ARHGAP15: variants seen among roughly 807,000 people sequenced by gnomAD.
ARHGAP15 encodes the protein rho GTPase-activating protein 15.
A neutral mutation model predicts 63.7 loss-of-function variants in ARHGAP15; 51 were observed. The ratio of observed to expected loss-of-function variants is 0.80; its 90% confidence interval spans 0.64 to 1.01. The LOEUF (loss-of-function observed/expected upper bound fraction) is 1.01. Ranked by LOEUF, ARHGAP15 falls within the 50% of genes least tolerant of loss-of-function variation. The pLI, the probability that ARHGAP15 is intolerant of heterozygous loss-of-function variation, is 0.00. For synonymous variants in ARHGAP15, 191 were observed against 193.8 expected (o/e 0.99, Z 0.12); for missense variants, 560 against 564.6 (o/e 0.99, Z 0.08).
intron 11 of ARHGAP15, among the ~76,000 whole-genome samples, chr2:143,557,882 G>A (rs543827811): frequency 6.6e-6 from 1 of 152,202 alleles, no homozygotes; most frequent in East Asian, 1.9e-4. Context: ...ACAGCTCATA[G>A]GTTTTAAAAT....
intron 6 of ARHGAP15, among the ~76,000 whole-genome samples, chr2:143,283,701 CCA>C (rs1681964247): frequency 2.0e-5 from 3 of 151,998 alleles, no homozygotes; most frequent in Non-Finnish European, 2.9e-5. Context: ...CTTTTTTCCC[CCA>C]CATTAAAAAA....
intron 6 of ARHGAP15, among the ~76,000 whole-genome samples, chr2:143,420,352 A>G (rs1688866118): frequency 6.6e-6 from 1 of 152,170 alleles, no homozygotes; most frequent in Non-Finnish European, 1.5e-5. Context: ...AGCACCTTGA[A>G]TTGTAGTCTT....
At chr2:143,667,910 C>G (rs1682309171) in intron 12 of ARHGAP15, among the ~76,000 whole-genome samples, 1 of 152,092 alleles carries the variant, frequency 6.6e-6, no homozygotes, top group Admixed American at 6.5e-5. Context: ...ATCACCTGAA[C>G]CCAGGAAGTT....
intron 6 of ARHGAP15, among the ~76,000 whole-genome samples, chr2:143,293,268 AGAG>A (rs1682488988): frequency 6.6e-6 from 1 of 152,100 alleles, no homozygotes; most frequent in African/African-American, 2.4e-5. Context: ...GTAATGCTCT[AGAG>A]GAGAGGAAGT....
rs776472887 is a variant in ARHGAP15 at position 143,762,018 on chromosome 2, T to C, written c.1245-5971T>C. On this transcript the variant is annotated intron_variant, in intron 13 of 13. Transcript: ENST00000295095. ...TCATGAACAAATTCATAAAATCATA[T>C]TTTTGTCAGGCTATTTAAAACTAAG... Among the ~76,000 whole-genome samples, 30 of 152,264 alleles carry C rather than the reference T, an allele frequency of 2.0e-4. 1 individual carries two copies. Among genetic ancestry groups the C allele is most frequent in the Non-Finnish European group, 3.1e-4 (21 of 68,006 alleles).
chr2:143,463,165 C>T (rs1691034781), intron 8 of ARHGAP15, among the ~76,000 whole-genome samples: 1 of 151,718 alleles, frequency 6.6e-6, no homozygotes, highest in Admixed American at 6.6e-5. Context: ...CCAGTGTGGC[C>T]CAGGGAGCCA....
At chr2:143,307,572 T>G (rs1380509378) in intron 6 of ARHGAP15, among the ~76,000 whole-genome samples, 1 of 152,138 alleles carries the variant, frequency 6.6e-6, no homozygotes, top group Admixed American at 6.6e-5. Flanking sequence ...CTGTCCCATA[T>G]TACAAATTGA....
chr2:143,543,870 T>C (rs1000253183), intron 10 of ARHGAP15, among the ~76,000 whole-genome samples: 1 of 152,098 alleles, frequency 6.6e-6, no homozygotes, highest in Non-Finnish European at 1.5e-5. Context: ...ACTTCTTTGT[T>C]AGATGGTTAA....
At chr2:143,736,770 T>C (rs1288593767) in intron 13 of ARHGAP15, among the ~76,000 whole-genome samples, 2 of 152,206 alleles carry the variant, frequency 1.3e-5, no homozygotes, top group East Asian at 1.9e-4. Flanking sequence ...CAGGAAATGA[T>C]AGCTGGAAGC....
intron 13 of ARHGAP15, among the ~76,000 whole-genome samples, chr2:143,739,242 T>C (rs1401853133): frequency 6.6e-6 from 1 of 152,032 alleles, no homozygotes; most frequent in Non-Finnish European, 1.5e-5. Flanking sequence ...AAGAAGATGA[T>C]AGCAAAAACA....
chr2:143,417,335 A>C (rs1202432907), intron 6 of ARHGAP15, among the ~76,000 whole-genome samples: 1 of 152,144 alleles, frequency 6.6e-6, no homozygotes, highest in African/African-American at 2.4e-5. Flanking sequence ...GTGAACGGTT[A>C]CACATACTTT....
intron 10 of ARHGAP15, among the ~76,000 whole-genome samples, chr2:143,530,415 G>T (rs971773315): frequency 6.6e-6 from 1 of 152,132 alleles, no homozygotes; most frequent in African/African-American, 2.4e-5. Flanking sequence ...GGAGAAACCA[G>T]TCTCTCAACA....
chr2:143,613,207 CTCA>C (rs1450442674), intron 11 of ARHGAP15, among the ~76,000 whole-genome samples: 1 of 152,138 alleles, frequency 6.6e-6, no homozygotes, highest in Non-Finnish European at 1.5e-5. Context: ...TTCTTTTTCC[CTCA>C]TCATAAAGAT....
chr2:143,623,718 A>G (rs1698731230), intron 11 of ARHGAP15, among the ~76,000 whole-genome samples: 1 of 152,248 alleles, frequency 6.6e-6, no homozygotes, highest in Non-Finnish European at 1.5e-5. Context: ...TGTTTAGCAT[A>G]TGTCTCCTGT....
chr2:143,462,604 G>T (rs34587631), intron 8 of ARHGAP15, among the ~76,000 whole-genome samples: 1 of 152,050 alleles, frequency 6.6e-6, no homozygotes, highest in Non-Finnish European at 1.5e-5. Flanking sequence ...TCACATATGA[G>T]GGAATGCTAA....
chr2:143,478,932 C>A (rs981798674), intron 8 of ARHGAP15, among the ~76,000 whole-genome samples: 2 of 152,088 alleles, frequency 1.3e-5, no homozygotes, highest in African/African-American at 4.8e-5. Flanking sequence ...ATAGCATATT[C>A]TTTACTAAAG....
intron 11 of ARHGAP15, among the ~76,000 whole-genome samples, chr2:143,559,222 C>G (rs576747701): frequency 6.6e-6 from 1 of 152,220 alleles, no homozygotes; most frequent in Admixed American, 6.5e-5. Context: ...AGTTGCATTT[C>G]CTGCCTTTAA....
chr2:143,316,346 A>G (rs1285379266), intron 6 of ARHGAP15, among the ~76,000 whole-genome samples: 2 of 151,614 alleles, frequency 1.3e-5, no homozygotes, highest in Non-Finnish European at 2.9e-5. Context: ...CAAAATCTGT[A>G]TTCTGCCAAG....
intron 1 of ARHGAP15, among the ~76,000 whole-genome samples, chr2:143,143,632 G>A (rs1689465538): frequency 6.8e-6 from 1 of 147,382 alleles, no homozygotes; most frequent in South Asian, 2.1e-4. Flanking sequence ...ATCCACCGCT[G>A]GAACAAGAAA....
Sources: allele counts gnomAD v4.1 joint callset (sites outside exome capture counted in the v4.1 genomes callset), GRCh38; gene constraint gnomAD v4.1.1; transcripts MANE v1.5; gene names NCBI Gene and HGNC (gene_info 2026-07-23, HGNC 2026-07-21).